The following BNC2 variants were observed in gnomAD, a reference collection of about 807,000 sequenced individuals.
The protein encoded by BNC2 is basonuclin zinc finger protein 2.
Under a neutral mutation model 76.3 loss-of-function variants are expected in BNC2, and 20 were observed. The ratio of observed to expected loss-of-function variants is 0.26; its 90% confidence interval spans 0.18 to 0.38. BNC2 has a LOEUF of 0.38. Among genes scored for constraint, BNC2 ranks in the 10% least tolerant of loss-of-function variants. The probability of loss-of-function intolerance (pLI) is 1.00; values close to 1 mark genes in which losing one functional copy is unlikely to be tolerated. For synonymous variants in BNC2, 582 were observed against 514.8 expected (o/e 1.13, Z -1.77); for missense variants, 1,382 against 1,399.8 (o/e 0.99, Z 0.20).
At chr9:16,715,120 GC>G (rs1337149129) in intron 3 of BNC2, among the ~76,000 whole-genome samples, 2 of 152,144 alleles carry the variant, frequency 1.3e-5, no homozygotes, top group African/African-American at 4.8e-5. Flanking sequence ...GAGACGAAAA[GC>G]TTTTTATAGT....
At chr9:16,612,985 T>C (rs10738440) in intron 3 of BNC2, among the ~76,000 whole-genome samples, 131,976 of 152,166 alleles carry the variant, frequency 0.87, 58,312 homozygotes, top group East Asian at 0.98. Flanking sequence ...AAGAAGATCA[T>C]CCAAGAAGAT....
In BNC2 at chr9:16,590,216, G is replaced by T. The variant is rs560760007; in HGVS notation, c.331-7131C>A. On this transcript the variant is annotated intron_variant, in intron 3 of 6. Transcript: ENST00000380672. Reference sequence around the variant, plus strand: ...TTTTTTAATTTTTCTTTTTGAGACAGAGTTTTGCTCTTGTTGCCCAGGCTA... The same window carrying T: ...TTTTTTAATTTTTCTTTTTGAGACATAGTTTTGCTCTTGTTGCCCAGGCTA... Among the ~76,000 whole-genome samples the T allele has an allele frequency of 2.0e-4, 30 of 152,162 alleles. No individual in the cohort carries two copies. In the South Asian group the frequency reaches 2.5e-3, roughly 13 times the overall value.
chr9:16,780,481 G>A (rs567281341), intron 1 of BNC2, among the ~76,000 whole-genome samples: 46 of 150,470 alleles, frequency 3.1e-4, no homozygotes, highest in Middle Eastern at 3.5e-3. Flanking sequence ...CTGAGGCAAG[G>A]GAATCGCCTG....
chr9:16,564,683 CTTCT>C (rs1243298879), intron 4 of BNC2, among the ~76,000 whole-genome samples: 7 of 152,146 alleles, frequency 4.6e-5, no homozygotes, highest in African/African-American at 2.4e-5. Flanking sequence ...TGAAATCAGA[CTTCT>C]TTGTGTGTCA....
intron 1 of BNC2, among the ~76,000 whole-genome samples, chr9:16,839,153 A>C (rs766698001): frequency 6.6e-6 from 1 of 152,226 alleles, no homozygotes; most frequent in Non-Finnish European, 1.5e-5. Context: ...CAGATAAAAG[A>C]CACTAGAAAC....
At chr9:16,691,266 T>A (rs1343644102) in intron 3 of BNC2, among the ~76,000 whole-genome samples, 2 of 152,136 alleles carry the variant, frequency 1.3e-5, no homozygotes, top group African/African-American at 2.4e-5. Flanking sequence ...CTCCTTTTAC[T>A]TCTAAATGAG....
At chr9:16,834,978 C>T (rs772405150) in intron 1 of BNC2, among the ~76,000 whole-genome samples, 1 of 152,118 alleles carries the variant, frequency 6.6e-6, no homozygotes, top group Non-Finnish European at 1.5e-5. Context: ...GGGATCCAGT[C>T]GGTCATGGAT....
intron 3 of BNC2, among the ~76,000 whole-genome samples, chr9:16,616,360 C>T (rs113825048): frequency 0.052 from 7,943 of 151,526 alleles, 737 homozygotes; most frequent in African/African-American, 0.18. Flanking sequence ...CCACTGCACT[C>T]CAGCCTGGGT....
At chr9:16,548,846 A>G (rs1287658615) in intron 5 of BNC2, among the ~76,000 whole-genome samples, 1 of 152,242 alleles carries the variant, frequency 6.6e-6, no homozygotes, top group Non-Finnish European at 1.5e-5. Flanking sequence ...AAATACTTTA[A>G]TAAGTACACA....
chr9:16,715,344 T>C (rs922751132), intron 3 of BNC2, among the ~76,000 whole-genome samples: 1 of 152,216 alleles, frequency 6.6e-6, no homozygotes, highest in African/African-American at 2.4e-5. Flanking sequence ...ACCAGAAATA[T>C]ATTTACTAAA....
chr9:16,628,430 C>T (rs1046888438), intron 3 of BNC2, among the ~76,000 whole-genome samples: 1 of 152,126 alleles, frequency 6.6e-6, no homozygotes, highest in Non-Finnish European at 1.5e-5. Context: ...AGTGGAACGC[C>T]GTGAGAGGTC....
At chr9:16,440,838 T>C (rs1224264081) in intron 5 of BNC2, among the ~76,000 whole-genome samples, 1 of 152,252 alleles carries the variant, frequency 6.6e-6, no homozygotes, top group East Asian at 1.9e-4. Context: ...CAGGTAAGTA[T>C]GATTTAGAAC....
chr9:16,768,122 C>G (rs975621825), intron 1 of BNC2, among the ~76,000 whole-genome samples: 1 of 151,930 alleles, frequency 6.6e-6, no homozygotes, highest in Non-Finnish European at 1.5e-5. Flanking sequence ...CCCACCACCA[C>G]GCCTGGCTAA....
Position 16,685,514 on chromosome 9 carries a change from C to A in BNC2, c.330+42283G>T, listed in dbSNP as rs573279553. 1.7e-5 allele frequency: 21 copies of A among 1,264,970 alleles called. No homozygotes were observed. The East Asian group carries it at 1.1e-3, about 68-fold the overall frequency. The allele number at this position is 1,264,970 out of a possible 1,614,324, so 78.4% of individuals were successfully genotyped here. ...AGGACCACTGTTTCTGTCACACCAC[C>A]CCTAGCTGAGAAAACAGTTAAGACT... is the stretch of plus-strand genomic sequence containing the variant. On this transcript the variant is annotated intron_variant, in intron 3 of 6. Transcript: ENST00000380672.
intron 3 of BNC2, among the ~76,000 whole-genome samples, chr9:16,645,226 T>C (rs1821589545): frequency 1.3e-5 from 2 of 152,320 alleles, no homozygotes; most frequent in Admixed American, 1.3e-4. Flanking sequence ...GGAGACAGTC[T>C]AGGTTTCTTC....
intron 5 of BNC2, among the ~76,000 whole-genome samples, chr9:16,449,149 A>G (rs1821288190): frequency 6.6e-6 from 1 of 152,220 alleles, no homozygotes; most frequent in South Asian, 2.1e-4. Context: ...TACATTATAG[A>G]GCACAAGGTA....
chr9:16,558,715 G>C, intron 4 of BNC2, among the ~76,000 whole-genome samples: 1 of 152,104 alleles, frequency 6.6e-6, no homozygotes, highest in Non-Finnish European at 1.5e-5. Context: ...CGGATCATGA[G>C]GTTAGGAGTT....
chr9:16,436,163 G>T lies in BNC2; in HGVS notation c.2031C>A (p.His677Gln). The part of the protein sequence containing the change: ...VNDMSHDNHC[H>Q]SQEEMSPGMS... ...TGCCTGGGCTCATCTCCTCTTGGGA[G>T]TGACAATGATTGTCATGGCTCATGT... is the stretch of plus-strand genomic sequence containing the variant. The change falls in exon 6 of 7, where the codon CAC becomes CAA. Residue 677 changes from histidine to glutamine, a missense_variant. Physicochemically the swap from His to Gln is conservative, Grantham distance 24. This residue lies in a region of BNC2 where 798 missense variants were observed against 775.5 expected (regional missense o/e 1.03). Coordinates refer to ENST00000380672, the MANE Select transcript of BNC2 (RefSeq NM_017637.6). The T allele has an allele frequency of 5.0e-6, 8 of 1,614,186 alleles. No individual in the cohort carries two copies. The highest frequency in any genetic ancestry group is 6.8e-6 in the Non-Finnish European group (8 of 1,180,036).
intron 3 of BNC2, among the ~76,000 whole-genome samples, chr9:16,684,857 C>G (rs1246609982): frequency 6.6e-6 from 1 of 150,390 alleles, no homozygotes; most frequent in African/African-American, 2.5e-5. Context: ...TCTAATGCCT[C>G]AAGACCATAC....
Sources: allele counts gnomAD v4.1 joint callset (sites outside exome capture counted in the v4.1 genomes callset), GRCh38; gene constraint gnomAD v4.1.1; regional missense constraint gnomAD v4.1.1; transcripts MANE v1.5; gene names NCBI Gene and HGNC (gene_info 2026-07-23, HGNC 2026-07-21).